Variants in RUBCN observed in about 807,000 individuals in gnomAD.
RUBCN encodes run domain Beclin-1-interacting and cysteine-rich domain-containing protein.
A neutral mutation model predicts 113.2 loss-of-function variants in RUBCN; 74 were observed. The ratio of observed to expected loss-of-function variants is 0.65; its 90% CI spans 0.54 to 0.79. The LOEUF is 0.79. RUBCN is among the 30% of genes least tolerant of loss of function. The probability of loss-of-function intolerance (pLI) is 0.00; values close to 1 mark genes in which losing one functional copy is unlikely to be tolerated. For missense variants in RUBCN, 1,109 were observed against 1,251.7 expected, an observed-to-expected ratio of 0.89 and a Z score of 1.72; for synonymous variants, 480 against 490.0, an observed-to-expected ratio of 0.98 and a Z score of 0.27.
chr3:197,675,345 GC>G lies in RUBCN; in HGVS notation c.2740+76del. ...AGGTGCTGAGTGGCACCGAACTCTT[GC>G]TAACAGGGGTGGCTCTGGGGAATCA... On this transcript the variant is annotated intron_variant, in intron 19 of 19. Transcript: ENST00000296343. The surrounding 1 kb of genome is among the most constrained non-coding windows in gnomAD (Gnocchi z 4.4). 7.9e-6 allele frequency: 12 copies of G among 1,514,520 alleles called. No homozygotes were observed. The highest frequency in any genetic ancestry group is 1.1e-5 in the Non-Finnish European group (12 of 1,091,942). The allele number at this position is 1,514,520 out of a possible 1,614,324, so 93.8% of individuals were successfully genotyped here. A position where few individuals can be genotyped will look rare whatever the true frequency, so the allele number is the denominator to read the frequency against.
At chr3:197,678,993 C>T (rs572803463) in intron 16 of RUBCN, among the ~76,000 whole-genome samples, 16 of 144,820 alleles carry the variant, frequency 1.1e-4, no homozygotes, top group East Asian at 4.4e-4. Flanking sequence ...GACTGTCCTA[C>T]GCTCTAACTC....
At position 197,684,072 on chromosome 3, in the gene RUBCN, C is replaced by A. The variant is rs1721559316; in HGVS notation, c.1847+85G>T. On this transcript the variant is annotated intron_variant, in intron 12 of 19. Coordinates refer to ENST00000296343, the MANE Select transcript of RUBCN (RefSeq NM_014687.4). The stretch of plus-strand genomic sequence containing the variant: ...CTCCTCTTACATCTGGATGGCTTTG[C>A]CCAGCCATACACCAAGAACTGGGTT... The A allele has an allele frequency of 3.6e-6, 4 of 1,101,608 alleles. No individual in the cohort carries two copies. The South Asian group carries it at 3.7e-5, about 10-fold the overall frequency. 68.2% of individuals were successfully genotyped at this position (1,101,608 alleles called of 1,614,324 possible). A position where few individuals can be genotyped will look rare whatever the true frequency, so the allele number is the denominator to read the frequency against.
At chr3:197,700,525 C>T in intron 7 of RUBCN, 88 bp downstream of exon 7, 1 of 1,298,066 alleles carries the variant, frequency 7.7e-7, no homozygotes, top group South Asian at 1.2e-5. Flanking sequence ...ACATCTCTTT[C>T]TGCCACCTGA....
intron 11 of RUBCN, among the ~76,000 whole-genome samples, chr3:197,692,653 A>C (rs1336465571): frequency 7.9e-5 from 12 of 152,260 alleles, no homozygotes; most frequent in African/African-American, 2.6e-4. Flanking sequence ...TCACATACAA[A>C]CAACCAAACA....
intron 1 of RUBCN, among the ~76,000 whole-genome samples, chr3:197,724,830 G>C (rs1293495742): frequency 6.6e-6 from 1 of 152,140 alleles, no homozygotes. Context: ...AGTAATATGG[G>C]GGAACTGTAG....
chr3:197,691,660 T>C (rs959704444), intron 11 of RUBCN, among the ~76,000 whole-genome samples: 1 of 152,144 alleles, frequency 6.6e-6, no homozygotes, highest in African/African-American at 2.4e-5. Flanking sequence ...AGGAGTGTGC[T>C]TTGGGCCTCT....
At chr3:197,689,519 C>T (rs1461853151) in intron 11 of RUBCN, among the ~76,000 whole-genome samples, 1 of 152,050 alleles carries the variant, frequency 6.6e-6, no homozygotes, top group Non-Finnish European at 1.5e-5. Flanking sequence ...TCAACACATG[C>T]CCCCACAGAG....
chr3:197,691,655 T>G (rs144236024), intron 11 of RUBCN, among the ~76,000 whole-genome samples: 2 of 151,992 alleles, frequency 1.3e-5, no homozygotes, highest in South Asian at 2.1e-4. Flanking sequence ...CTAACAGGAG[T>G]GTGCTTTGGG....
At chr3:197,705,886 C>G (rs77962574) in intron 2 of RUBCN, among the ~76,000 whole-genome samples, 4,909 of 152,136 alleles carry the variant, frequency 0.032, 257 homozygotes, top group African/African-American at 0.11. Flanking sequence ...TGACATCACG[C>G]CTGGCTAATT....
In RUBCN at chr3:197,681,960, G is replaced by A; in HGVS notation, c.2127-61C>T. On this transcript the variant is annotated intron_variant, in intron 14 of 19. Coordinates refer to ENST00000296343, the MANE Select transcript of RUBCN (RefSeq NM_014687.4). The surrounding 1 kb of genome is among the most constrained non-coding windows in gnomAD (Gnocchi z 5.5). The stretch of plus-strand genomic sequence containing the variant: ...CAGCTGCGTGAGACCTTGGAGGTGT[G>A]AAGGAGTGAGCACACATACATACAG... The A allele has an allele frequency of 3.1e-6, 4 of 1,279,726 alleles. No individual in the cohort carries two copies. The highest frequency in any genetic ancestry group is 1.7e-5 in the Admixed American group (1 of 59,170). 79.3% of individuals were successfully genotyped at this position (1,279,726 alleles called of 1,614,324 possible).
At position 197,673,211 on chromosome 3, in the gene RUBCN, C is replaced by T. The variant is rs991062423; in HGVS notation, c.*1807G>A. The T allele has an allele frequency of 6.6e-6, 1 of 152,260 alleles. No individual in the cohort carries two copies. The highest frequency in any genetic ancestry group is 1.5e-5 in the Non-Finnish European group (1 of 68,068). The allele number at this position is 152,260 out of a possible 1,614,324, so 9.4% of individuals were successfully genotyped here. On this transcript the variant is annotated 3_prime_UTR_variant, in exon 20 of 20. Transcript: ENST00000296343. ...GAAGGGAGAACAGCCTCAGGGTCTT[C>T]TAGCCCTACATGGCTTTCAGATCCC... is the stretch of plus-strand genomic sequence containing the variant.
intron 5 of RUBCN, among the ~76,000 whole-genome samples, chr3:197,702,371 A>G (rs1423480663): frequency 5.9e-5 from 9 of 152,228 alleles, no homozygotes; most frequent in Admixed American, 2.0e-4. Context: ...AATCAAAATT[A>G]AACGAATCAG....
chr3:197,704,701 A>G lies in RUBCN; in HGVS notation c.304T>C (p.Phe102Leu). The G allele has an allele frequency of 6.2e-7, 1 of 1,613,548 alleles. No individual in the cohort carries two copies. The highest frequency in any genetic ancestry group is 8.5e-7 in the Non-Finnish European group (1 of 1,179,940). The change falls in exon 4 of 20, where the codon TTC (phenylalanine) becomes CTC (leucine). Residue 102 changes from phenylalanine (F) to leucine (L), a missense_variant and splice_region_variant. This residue lies in a region of RUBCN where 736 missense variants were observed against 779.6 expected (regional missense o/e 0.94). Transcript: ENST00000296343. ...TGGTCGTTCTCGTGCACGCTGATGA[A>G]CTGGGAAGCAAAGGGGCATGAGTCA... is the stretch of plus-strand genomic sequence containing the variant. ...SPHSALHVEKFISVHENDQSS... is the reference protein window; with the variant it reads ...SPHSALHVEKLISVHENDQSS...
At chr3:197,699,966 G>A (rs912070868) in intron 7 of RUBCN, among the ~76,000 whole-genome samples, 3 of 152,074 alleles carry the variant, frequency 2.0e-5, no homozygotes, top group South Asian at 2.1e-4. Context: ...ACCACAAGCC[G>A]GGAAGGATGA....
At chr3:197,679,066 C>T (rs1720853344) in intron 16 of RUBCN, among the ~76,000 whole-genome samples, 1 of 151,868 alleles carries the variant, frequency 6.6e-6, no homozygotes, top group South Asian at 2.1e-4. Flanking sequence ...TACGCTCTGA[C>T]AACTGGCTTC....
rs141717844 is a variant in RUBCN at position 197,703,554 on chromosome 3, C to T, written c.564G>A (p.Ala188=). ...AATTCCTTGTCCCCTGTACCATGGA[C>T]GCATCGATCTGAGCCAGGAGGCGGG... ...NNPRLLAQID[A]SMFARKHESP... The change falls in exon 5 of 20, where the codon GCG becomes GCA. Residue 188 remains alanine (A), a synonymous_variant. Transcript: ENST00000296343. The T allele has an allele frequency of 5.0e-4, 802 of 1,607,582 alleles. 6 individuals are homozygous for T. In the African/African-American group the frequency reaches 9.3e-3, roughly 19 times the overall value.
intron 1 of RUBCN, among the ~76,000 whole-genome samples, chr3:197,734,573 G>A (rs566616539): frequency 1.3e-5 from 2 of 152,202 alleles, no homozygotes; most frequent in Admixed American, 6.5e-5. Flanking sequence ...ACATACAATA[G>A]TTATAGGGAT....
At chr3:197,730,989 G>GT (rs1333916337) in intron 1 of RUBCN, among the ~76,000 whole-genome samples, 3 of 144,836 alleles carry the variant, frequency 2.1e-5, no homozygotes, top group African/African-American at 7.9e-5. Context: ...TTAACTAGAG[G>GT]TTTTTTGTTT....
intron 13 of RUBCN, 136 bp from the exon 14 acceptor site, chr3:197,682,751 A>C: frequency 4.4e-6 from 5 of 1,134,826 alleles, no homozygotes; most frequent in South Asian, 1.4e-5. Flanking sequence ...CTTGAGAAAC[A>C]GAAATGCGGG....
Sources: allele counts gnomAD v4.1 joint callset (sites outside exome capture counted in the v4.1 genomes callset), GRCh38; gene constraint gnomAD v4.1.1; regional missense constraint gnomAD v4.1.1; non-coding constraint Gnocchi (gnomAD v3.1); transcripts MANE v1.5; gene names NCBI Gene and HGNC (gene_info 2026-07-23, HGNC 2026-07-21).